The following HIPK3 variants were observed in gnomAD, a reference collection of about 807,000 sequenced individuals.
HIPK3 encodes the protein homeodomain interacting protein kinase 3.
Under a neutral mutation model 124.2 loss-of-function variants are expected in HIPK3, and 47 were observed. The ratio of observed to expected loss-of-function variants is 0.38; its 90% CI spans 0.30 to 0.48. The LOEUF (loss-of-function observed/expected upper bound fraction) is 0.48. HIPK3 is among the 20% of genes least tolerant of loss of function. The probability of loss-of-function intolerance (pLI) is 0.98; values close to 1 mark genes in which losing one functional copy is unlikely to be tolerated. For synonymous variants in HIPK3, 482 were observed against 515.2 expected, an observed-to-expected ratio of 0.94 and a Z score of 0.87; for missense variants, 1,286 against 1,454.3, an observed-to-expected ratio of 0.88 and a Z score of 1.88.
intron 1 of HIPK3, among the ~76,000 whole-genome samples, chr11:33,265,343 T>C (rs1019839006): frequency 6.6e-6 from 1 of 152,182 alleles, no homozygotes; most frequent in African/African-American, 2.4e-5. Context: ...AGAATAATAT[T>C]GGGTTCAAAA....
At chr11:33,343,670 G>C (rs977457727) in intron 8 of HIPK3, among the ~76,000 whole-genome samples, 9 of 152,112 alleles carry the variant, frequency 5.9e-5, no homozygotes, top group African/African-American at 2.2e-4. Flanking sequence ...CCAAGAATAT[G>C]TTTGTTGACT....
chr11:33,292,506 AC>A (rs1310451034), intron 2 of HIPK3, among the ~76,000 whole-genome samples: 1 of 152,040 alleles, frequency 6.6e-6, no homozygotes, highest in African/African-American at 2.4e-5. Context: ...GGGAGCGATG[AC>A]CCCAGAATGA....
intron 1 of HIPK3, chr11:33,258,219 T>G: frequency 1.4e-3 from 304 of 223,088 alleles, no homozygotes; most frequent in Non-Finnish European, 2.0e-3. Flanking sequence ...CCCCTCCCCC[T>G]GCCAAGGTTG....
chr11:33,288,481 T>A (rs2067969), intron 2 of HIPK3, among the ~76,000 whole-genome samples: 1 of 152,090 alleles, frequency 6.6e-6, no homozygotes, highest in Non-Finnish European at 1.5e-5. Flanking sequence ...AACACAAATA[T>A]ACTTCTTTGG....
intron 11 of HIPK3, 48 bp from the exon 12 acceptor site, chr11:33,348,118 T>C: frequency 6.2e-7 from 1 of 1,608,446 alleles, no homozygotes; most frequent in Non-Finnish European, 8.5e-7. Context: ...TGACCTCTTT[T>C]ATAGCTTTGT....
At position 33,292,272 on chromosome 11, in the gene HIPK3, A is replaced by G. The variant is rs1047733137; in HGVS notation, c.1097+4761A>G. ...TTCACACTGTAAGTTTAACTTTACA[A>G]ATTTTGTTAGGCCTTTTTGGGTGCT... On this transcript the variant is annotated intron_variant, in intron 2 of 16. Coordinates refer to ENST00000303296, the MANE Select transcript of HIPK3 (RefSeq NM_005734.5). Among the ~76,000 whole-genome samples, 11 of 152,302 alleles carry G rather than the reference A, an allele frequency of 7.2e-5. No individual in the cohort carries two copies. In the East Asian group the frequency reaches 7.7e-4, roughly 11 times the overall value.
At chr11:33,304,131 G>A (rs1775562629) in intron 2 of HIPK3, among the ~76,000 whole-genome samples, 2 of 152,088 alleles carry the variant, frequency 1.3e-5, no homozygotes, top group Non-Finnish European at 2.9e-5. Context: ...AGTAGAGACG[G>A]GGTGTCACCA....
intron 2 of HIPK3, among the ~76,000 whole-genome samples, chr11:33,303,436 C>T (rs1038306859): frequency 6.6e-6 from 1 of 152,010 alleles, no homozygotes; most frequent in African/African-American, 2.4e-5. Context: ...TGTAGTTACT[C>T]GTAGGTTAAA....
In HIPK3 at chr11:33,334,094, C is replaced by T. The variant is rs192579999; in HGVS notation, c.1222-2981C>T. ...AGCCAGTTTGTAATGTGGAAGTTTT[C>T]GTTGTCATTTTATATAAAATTGGGG... On this transcript the variant is annotated intron_variant, in intron 3 of 16. Transcript: ENST00000303296. Among the ~76,000 whole-genome samples, 67 of 152,032 alleles carry T rather than the reference C, an allele frequency of 4.4e-4. No individual in the cohort carries two copies. The East Asian group carries it at 0.012, about 27-fold the overall frequency.
chr11:33,332,351 G>A (rs1853011594), intron 3 of HIPK3, among the ~76,000 whole-genome samples: 2 of 152,260 alleles, frequency 1.3e-5, no homozygotes, highest in South Asian at 2.1e-4. Flanking sequence ...GTTACAGTGC[G>A]TGAATCCCTT....
chr11:33,338,085 A>G (rs1287075303), intron 4 of HIPK3, among the ~76,000 whole-genome samples: 1 of 152,200 alleles, frequency 6.6e-6, no homozygotes, highest in Admixed American at 6.5e-5. Context: ...GTATAACTAC[A>G]TTTGTGTTGT....
chr11:33,292,861 G>A (rs990922318), intron 2 of HIPK3, among the ~76,000 whole-genome samples: 17 of 151,974 alleles, frequency 1.1e-4, no homozygotes, highest in Admixed American at 6.6e-5. Context: ...TCAGCTTCCC[G>A]AGTAACTGGG....
chr11:33,288,737 G>C (rs1851622248), intron 2 of HIPK3, among the ~76,000 whole-genome samples: 1 of 152,108 alleles, frequency 6.6e-6, no homozygotes, highest in Non-Finnish European at 1.5e-5. Context: ...AGTGTAAAAT[G>C]GCTTTGAATT....
At chr11:33,295,274 A>ACCCCCCCCCCCCCCCCCCCCCCCCCCC (rs1359081985) in intron 2 of HIPK3, among the ~76,000 whole-genome samples, 1 of 104,510 alleles carries the variant, frequency 9.6e-6, no homozygotes, top group African/African-American at 4.0e-5. Context: ...AGCAGCCACC[A>ACCCCCCCCCCCCCCCCCCCCCCCCCCC]CCGCCCCCCC....
rs766462318 is a variant in HIPK3, at chr11:33,338,861, A to G, written c.1428+18A>G. 3.8e-6 allele frequency: 6 copies of G among 1,568,770 alleles called. No homozygotes were observed. Among genetic ancestry groups the G allele is most frequent in the South Asian group, 2.2e-5 (2 of 89,106 alleles). On this transcript the variant is annotated intron_variant, in intron 5 of 16. Coordinates refer to ENST00000303296, the MANE Select transcript of HIPK3 (RefSeq NM_005734.5). ...TAGCGCATGTGAGTACCATAGCCAC[A>G]TTTGTTCATCTTACATGCTTAGATG...
chr11:33,287,695 G>C (rs1358179977), intron 2 of HIPK3, among the ~76,000 whole-genome samples, 184 bp downstream of exon 2: 1 of 151,958 alleles, frequency 6.6e-6, no homozygotes, highest in Admixed American at 6.6e-5. Flanking sequence ...TACCCAAGCA[G>C]GATAGAAATC....
chr11:33,277,327 A>G (rs1477613682), intron 1 of HIPK3, among the ~76,000 whole-genome samples: 2 of 152,030 alleles, frequency 1.3e-5, no homozygotes, highest in Non-Finnish European at 2.9e-5. Context: ...TTTGTTCTAT[A>G]TTTTGAGATT....
chr11:33,309,560 C>T (rs538151561), intron 2 of HIPK3, among the ~76,000 whole-genome samples: 1 of 152,330 alleles, frequency 6.6e-6, no homozygotes, highest in Non-Finnish European at 1.5e-5. Context: ...CAAGTGGCTG[C>T]TTGACTCTTA....
chr11:33,257,767 G>C lies in HIPK3; in HGVS notation c.-125G>C. The C allele has an allele frequency of 8.1e-6, 8 of 987,710 alleles. No individual in the cohort carries two copies. The highest frequency in any genetic ancestry group is 9.6e-6 in the Non-Finnish European group (8 of 831,636). The allele number at this position is 987,710 out of a possible 1,614,324, so 61.2% of individuals were successfully genotyped here. A position where few individuals can be genotyped will look rare whatever the true frequency, so the allele number is the denominator to read the frequency against. On this transcript the variant is annotated 5_prime_UTR_variant, in exon 1 of 17. Coordinates refer to ENST00000303296, the MANE Select transcript of HIPK3 (RefSeq NM_005734.5). ...CGGCCGCGGAGAGGGGCTGAGCCCG[G>C]GCTGGGTGGTGCCGCCTGCTGAAGC... is the stretch of plus-strand genomic sequence containing the variant.
Sources: allele counts gnomAD v4.1 joint callset (sites outside exome capture counted in the v4.1 genomes callset), GRCh38; gene constraint gnomAD v4.1.1; transcripts MANE v1.5; gene names NCBI Gene and HGNC (gene_info 2026-07-23, HGNC 2026-07-21).